PODNL1: variants seen among roughly 807,000 people sequenced by gnomAD.
PODNL1 encodes the protein podocan like 1.
A neutral mutation model predicts 45.1 loss-of-function variants in PODNL1; 50 were observed. The observed-to-expected ratio is 1.11, with a 90% CI of 0.88 to 1.40. The LOEUF is 1.40. Ranked by LOEUF, PODNL1 falls within the 40% of genes most tolerant of loss-of-function variation. The pLI is 0.00. For synonymous variants in PODNL1, 406 were observed against 372.5 expected, an observed-to-expected ratio of 1.09 and a Z score of -1.04; for missense variants, 788 against 793.3, an observed-to-expected ratio of 0.99 and a Z score of 0.08.
chr19:13,941,373 A>G (rs1171790680), upstream of PODNL1, among the ~76,000 whole-genome samples: 1 of 151,948 alleles, frequency 6.6e-6, no homozygotes, highest in Non-Finnish European at 1.5e-5. Flanking sequence ...CAAAAAAAAA[A>G]AAAAAAAAAA....
At position 13,933,811 on chromosome 19, in the gene PODNL1, G is replaced by A; in HGVS notation, c.767+67C>T. 2 of 1,356,568 alleles carry A rather than the reference G, an allele frequency of 1.5e-6. No individual in the cohort carries two copies. Among genetic ancestry groups the A allele is most frequent in the Non-Finnish European group, 2.1e-6 (2 of 972,790 alleles). The allele number at this position is 1,356,568 out of a possible 1,614,324, so 84.0% of individuals were successfully genotyped here. On this transcript the variant is annotated intron_variant, in intron 7 of 9. Transcript: ENST00000588872. This position sits in a 1 kb window ranked among gnomAD's most constrained non-coding sequence, Gnocchi z 5.2. ...GTGGCTTAGGAGCCAGTCAGGGAAG[G>A]GGGACTGAAGGTTGGGACCCCCGAC...
intron 8 of PODNL1, 47 bp downstream of exon 8, chr19:13,932,751 G>A: frequency 6.2e-7 from 1 of 1,612,526 alleles, no homozygotes; most frequent in Non-Finnish European, 8.5e-7. Context: ...CAGGCAGGGG[G>A]ATGGAGGGGC....
Position 13,934,319 on chromosome 19 carries a change from A to T in PODNL1, c.586T>A (p.Ser196Thr). The T allele has an allele frequency of 6.4e-7, 1 of 1,553,546 alleles. No homozygotes were observed. Among genetic ancestry groups the T allele is most frequent in the Non-Finnish European group, 8.7e-7 (1 of 1,154,188 alleles). ...GGCAGGTAGCTGAGCTGGTTGTTGG[A>T]GAGGCTGAGGGTGGCGATGGCCTCG... is the stretch of plus-strand genomic sequence containing the variant. ...GSEAIATLSL[S>T]NNQLSYLPPS... Residue 196 changes from serine to threonine, a missense_variant, in exon 6 of 10, where the codon TCC becomes ACC. This residue lies in a region of PODNL1 where 762 missense variants were observed against 750.9 expected (regional missense o/e 1.01). Transcript: ENST00000588872.
At position 13,931,890 on chromosome 19, in the gene PODNL1, G is replaced by GAAGA. The variant is rs1198234967; in HGVS notation, c.1575-4_1575-3insTCTT. On this transcript the variant is annotated splice_polypyrimidine_tract_variant and splice_region_variant and intron_variant, in intron 9 of 9. Transcript: ENST00000588872. ...TCGTCATGTGAAGCCTGTTGGCCCT[G>GAAGA]CACAGAGAGGCGGTCATGACCCTCC... 4.1e-6 allele frequency: 5 copies of GAAGA among 1,231,952 alleles called. No individual in the cohort carries two copies. The highest frequency in any genetic ancestry group is 5.1e-6 in the Non-Finnish European group (5 of 987,970). The allele number at this position is 1,231,952 out of a possible 1,614,324, so 76.3% of individuals were successfully genotyped here.
At chr19:13,937,702 C>T in intron 2 of PODNL1, 83 bp downstream of exon 2, 10 of 1,317,498 alleles carry the variant, frequency 7.6e-6, no homozygotes, top group Non-Finnish European at 9.5e-6. Context: ...CCACCACGCT[C>T]CTCAGCTCTG....
At position 13,949,148 on chromosome 19, in the gene PODNL1, C is replaced by G. The variant is rs561729559; in HGVS notation, c.18+3971G>C. ...CTAATTTTTGTATTTTTAGTAGAGA[C>G]AGCATTTCACCATGTTGACCAGGCT... is the stretch of plus-strand genomic sequence containing the variant. On this transcript the variant is annotated intron_variant, in intron 1 of 7. Coordinates refer to the PODNL1 transcript ENST00000538371. 5.3e-5 allele frequency: 8 copies of G among 151,888 alleles called. 1 individual carries two copies. The highest frequency in any genetic ancestry group is 5.3e-4 in the Admixed American group (8 of 15,234). 9.4% of individuals were successfully genotyped at this position (151,888 alleles called of 1,614,324 possible).
At chr19:13,934,956 ATG>A (rs1972239768) in intron 5 of PODNL1, among the ~76,000 whole-genome samples, 1 of 150,310 alleles carries the variant, frequency 6.7e-6, no homozygotes, top group Non-Finnish European at 1.5e-5. Context: ...ACATATGTGC[ATG>A]TGTGTGCTTG....
rs1972131083 is a variant in PODNL1, at chr19:13,933,782, G to A, written c.767+96C>T. ...TGAGCAGCAGGCACTCAGTAAATGA[G>A]GCCGTGGCTTAGGAGCCAGTCAGGG... On this transcript the variant is annotated intron_variant, in intron 7 of 9. Coordinates refer to ENST00000588872, the MANE Select transcript of PODNL1 (RefSeq NM_001370095.3). The surrounding 1 kb of genome is among the most constrained non-coding windows in gnomAD (Gnocchi z 5.2). 1 of 1,082,006 alleles carries A rather than the reference G, an allele frequency of 9.2e-7. No homozygotes were observed. Among genetic ancestry groups the A allele is most frequent in the South Asian group, 1.4e-5 (1 of 70,696 alleles). 67.0% of individuals were successfully genotyped at this position (1,082,006 alleles called of 1,614,324 possible). A position where few individuals can be genotyped will look rare whatever the true frequency, so the allele number is the denominator to read the frequency against.
At chr19:13,938,486 C>G, upstream of PODNL1, 1 of 1,226,786 alleles carries the variant, frequency 8.2e-7, no homozygotes, top group Non-Finnish European at 1.0e-6. Context: ...TGGGCCGGGC[C>G]ACAAGAACAA....
At chr19:13,952,701 G>A in intron 1 of PODNL1, 1 of 1,292,970 alleles carries the variant, frequency 7.7e-7, no homozygotes, top group Non-Finnish European at 9.8e-7. Flanking sequence ...AGGGACGAGG[G>A]AGGCGGAGGG....
At chr19:13,938,077 T>A (rs1047474585) in intron 1 of PODNL1, 71 bp from the exon 2 acceptor site, 1 of 1,456,166 alleles carries the variant, frequency 6.9e-7, no homozygotes, top group Middle Eastern at 2.0e-4. Context: ...GAGCATCCCC[T>A]CCTCGGGGAG....
Position 13,937,984 on chromosome 19 carries a change from A to G in PODNL1, c.26T>C (p.Leu9Pro). Reference sequence around the variant, plus strand: ...GACGGGCGGGGGCCCCGGCAACAGCAGGAGCAGCAGCAGGCTCGGCCACTG... The same window carrying G: ...GACGGGCGGGGGCCCCGGCAACAGCGGGAGCAGCAGCAGGCTCGGCCACTG... MWPSLLLL[L>P]LLPGPPPVAG... The change falls in exon 2 of 10, where the codon CTG (leucine) becomes CCG (proline). Residue 9 changes from leucine to proline, a missense_variant. By Grantham distance (98) the Leu-to-Pro change is moderately conservative (BLOSUM62 -3). Transcript: ENST00000588872. 1 of 1,538,718 alleles carries G rather than the reference A, an allele frequency of 6.5e-7. No homozygotes were observed. Among genetic ancestry groups the G allele is most frequent in the South Asian group, 1.2e-5 (1 of 83,548 alleles).
At chr19:13,948,362 G>T (rs548778978) in intron 1 of PODNL1, among the ~76,000 whole-genome samples, 4 of 136,434 alleles carry the variant, frequency 2.9e-5, no homozygotes, top group Non-Finnish European at 3.0e-5. Context: ...CACCACGCCC[G>T]GCTAATTTTT....
intron 1 of PODNL1, among the ~76,000 whole-genome samples, chr19:13,949,064 A>C (rs1275883969): frequency 1.3e-5 from 2 of 151,608 alleles, no homozygotes; most frequent in African/African-American, 4.8e-5. Flanking sequence ...GGTTCAAGCG[A>C]TTCTCATGCC....
upstream of PODNL1, chr19:13,938,531 C>T: frequency 3.7e-6 from 4 of 1,077,838 alleles, no homozygotes; most frequent in Non-Finnish European, 4.5e-6. Context: ...TTCGTCCTGT[C>T]TGGTATTTGG....
rs1283038132 is a variant in PODNL1 at position 13,938,220 on chromosome 19, C to G, written c.-39G>C. 1 of 1,605,252 alleles carries G rather than the reference C, an allele frequency of 6.2e-7. No individual in the cohort carries two copies. The highest frequency in any genetic ancestry group is 8.5e-7 in the Non-Finnish European group (1 of 1,176,476). The stretch of plus-strand genomic sequence containing the variant: ...TCTGCCATCTCGCCCAAGCTGCTGA[C>G]CAGGACTTCCTAATGGAAACCAGGC... On this transcript the variant is annotated 5_prime_UTR_variant, in exon 1 of 10. Transcript: ENST00000588872.
rs549358408 is a variant in PODNL1, at chr19:13,933,269, G to A, written c.954C>T (p.Ser318=). The part of the protein sequence containing the change: ...YLLLQHNQLG[S]SGLPAGALRP... ...GCAGAGCCCCGGCGGGCAGCCCTGA[G>A]CTCCCCAGCTGGTTGTGCTGCAGCA... Residue 318 remains serine, a synonymous_variant, in exon 8 of 10, where the codon AGC becomes AGT. Coordinates refer to ENST00000588872, the MANE Select transcript of PODNL1 (RefSeq NM_001370095.3). This position sits in a 1 kb window ranked among gnomAD's most constrained non-coding sequence, Gnocchi z 5.2. The A allele has an allele frequency of 1.7e-5, 26 of 1,562,986 alleles. No individual in the cohort carries two copies. The South Asian group carries it at 2.4e-4, about 15-fold the overall frequency.
At position 13,937,961 on chromosome 19, in the gene PODNL1, C is replaced by G. The variant is rs376555807; in HGVS notation, c.49G>C (p.Val17Leu). The change falls in exon 2 of 10, where the codon GTC (valine) becomes CTC (leucine). Residue 17 changes from valine (V) to leucine (L), a missense_variant. By Grantham distance (32) the Val-to-Leu change is conservative (BLOSUM62 1). This residue lies in a region of PODNL1 where 762 missense variants were observed against 750.9 expected (regional missense o/e 1.01). Coordinates refer to ENST00000588872, the MANE Select transcript of PODNL1 (RefSeq NM_001370095.3). ...LLLLLPGPPP[V>L]AGLEDAAFPH... ...AAGGCAGCGTCTTCCAAGCCGGCGA[C>G]GGGCGGGGGCCCCGGCAACAGCAGG... 13 of 1,541,572 alleles carry G rather than the reference C, an allele frequency of 8.4e-6. No individual in the cohort carries two copies. Among genetic ancestry groups the G allele is most frequent in the Middle Eastern group, 1.7e-4 (1 of 5,910 alleles).
At chr19:13,943,199 G>A (rs1455613165), upstream of PODNL1, among the ~76,000 whole-genome samples, 1 of 151,982 alleles carries the variant, frequency 6.6e-6, no homozygotes, top group Admixed American at 6.6e-5. Flanking sequence ...AGGAGGCTGA[G>A]GCAGAAGAAT....
Sources: allele counts gnomAD v4.1 joint callset (sites outside exome capture counted in the v4.1 genomes callset), GRCh38; gene constraint gnomAD v4.1.1; regional missense constraint gnomAD v4.1.1; non-coding constraint Gnocchi (gnomAD v3.1); transcripts MANE v1.5; gene names NCBI Gene and HGNC (gene_info 2026-07-23, HGNC 2026-07-21).